Variants in SCN1A observed in about 807,000 individuals in gnomAD.
SCN1A encodes the protein sodium channel protein type 1 subunit alpha.
Under a neutral mutation model 193.7 loss-of-function variants are expected in SCN1A, and 13 were observed. The ratio of observed to expected loss-of-function variants is 0.07; its 90% CI spans 0.04 to 0.11. The LOEUF is 0.11. SCN1A is among the 10% of genes least tolerant of loss of function. The pLI is 1.00. For missense variants in SCN1A, 1,432 were observed against 2,451.1 expected, an observed-to-expected ratio of 0.58 and a Z score of 8.78; for synonymous variants, 781 against 843.6, an observed-to-expected ratio of 0.93 and a Z score of 1.29.
chr2:166,133,609 A>G (rs1434454262), intron 1 of SCN1A, among the ~76,000 whole-genome samples: 2 of 152,150 alleles, frequency 1.3e-5, no homozygotes, highest in Middle Eastern at 3.2e-3. Context: ...AGTGCTCTGT[A>G]TATATCTTTA....
chr2:166,066,838 G>A lies in SCN1A; in HGVS notation c.264+6520C>T, dbSNP rs1160840035. On this transcript the variant is annotated intron_variant, in intron 4 of 28. Transcript: ENST00000674923. ...ATGTAAAGTGGACCATGTTACTGCTGTACCTAAATACTTGTTGGGAATTCA... is the reference window on the plus strand; with the variant it reads ...ATGTAAAGTGGACCATGTTACTGCTATACCTAAATACTTGTTGGGAATTCA... Among the ~76,000 whole-genome samples, 3 of 152,132 alleles carry A rather than the reference G, an allele frequency of 2.0e-5. No homozygotes were observed. The South Asian group carries it at 6.2e-4, about 32-fold the overall frequency.
At chr2:166,086,846 C>T (rs1195843757) in intron 2 of SCN1A, among the ~76,000 whole-genome samples, 1 of 152,018 alleles carries the variant, frequency 6.6e-6, no homozygotes, top group Non-Finnish European at 1.5e-5. Flanking sequence ...TATACAGTTT[C>T]GTCTTGTTTG....
At chr2:166,035,053 T>A (rs1227231249) in intron 19 of SCN1A, among the ~76,000 whole-genome samples, 1 of 152,144 alleles carries the variant, frequency 6.6e-6, no homozygotes, top group African/African-American at 2.4e-5. Flanking sequence ...CATAGGGCAG[T>A]GTAATTTTAG....
intron 1 of SCN1A, among the ~76,000 whole-genome samples, chr2:166,142,952 A>T (rs1692152416): frequency 6.6e-6 from 1 of 152,186 alleles, no homozygotes; most frequent in African/African-American, 2.4e-5. Context: ...GTCTTCTGCC[A>T]TGATTATGAG....
chr2:166,054,055 A>G (rs887492049), intron 7 of SCN1A, among the ~76,000 whole-genome samples: 10 of 152,144 alleles, frequency 6.6e-5, no homozygotes, highest in Admixed American at 2.0e-4. Context: ...AGAAACAGAA[A>G]GAGGCAGAGA....
At chr2:166,009,528 A>G (rs1040337756) in intron 23 of SCN1A, 191 bp downstream of exon 23, 2 of 410,608 alleles carry the variant, frequency 4.9e-6, no homozygotes, top group Admixed American at 3.8e-5. Context: ...AAATGATATT[A>G]TATCATTTCA....
intron 1 of SCN1A, among the ~76,000 whole-genome samples, chr2:166,144,339 G>A (rs2155873): frequency 0.81 from 122,434 of 151,692 alleles, 50,008 homozygotes; most frequent in African/African-American, 0.94. Context: ...TCATCAGTGT[G>A]GTACCTCTGG....
In SCN1A at chr2:166,084,481, G is replaced by A. The variant is rs1453837611; in HGVS notation, c.-141-6680C>T. On this transcript the variant is annotated intron_variant, in intron 2 of 28. Transcript: ENST00000674923. The stretch of plus-strand genomic sequence containing the variant: ...AAAGCCAGGAGTTATGTAGCTATAA[G>A]TAGCAGCCAGAGGAAATAGTGCCTG... Among the ~76,000 whole-genome samples the A allele has an allele frequency of 3.3e-5, 5 of 152,086 alleles. No homozygotes were observed. In the East Asian group the frequency reaches 9.6e-4, roughly 29 times the overall value.
chr2:166,073,422 T>C lies in SCN1A; in HGVS notation c.200A>G (p.Asp67Gly). The change falls in exon 4 of 29, where the codon GAC becomes GGC. Residue 67 changes from aspartate to glycine, a missense_variant. By Grantham distance (94) the Asp-to-Gly change is moderately conservative (BLOSUM62 -1). Around this residue, in one of 18 missense-constraint regions of SCN1A, gnomAD observed 123 missense variants for 282.8 expected, o/e 0.43. Coordinates refer to ENST00000674923, the MANE Select transcript of SCN1A (RefSeq NM_001165963.4). ...CTCTGACACCATCTCTGGAGGAATG[T>C]CTCCATAAATAAATGGAAGGTTCTT... is the stretch of plus-strand genomic sequence containing the variant. ...AGKNLPFIYG[D>G]IPPEMVSEPL... 6.2e-7 allele frequency: 1 copy of C among 1,614,176 alleles called. No homozygotes were observed. Among genetic ancestry groups the C allele is most frequent in the Non-Finnish European group, 8.5e-7 (1 of 1,180,010 alleles).
intron 2 of SCN1A, among the ~76,000 whole-genome samples, chr2:166,121,423 C>T (rs1690585462): frequency 6.6e-6 from 1 of 152,096 alleles, no homozygotes; most frequent in Admixed American, 6.5e-5. Context: ...AATTTTATAT[C>T]CTTTTCTGTC....
In SCN1A at chr2:166,065,846, G is replaced by T. The variant is rs538702071; in HGVS notation, c.265-7158C>A. Reference sequence around the variant, plus strand: ...TGATGCCTGAACTCATATTTCAAGAGGAATCCTTAGATGTATAATTTTATG... The same window carrying T: ...TGATGCCTGAACTCATATTTCAAGATGAATCCTTAGATGTATAATTTTATG... On this transcript the variant is annotated intron_variant, in intron 4 of 28. Coordinates refer to ENST00000674923, the MANE Select transcript of SCN1A (RefSeq NM_001165963.4). Among the ~76,000 whole-genome samples the T allele has an allele frequency of 1.1e-4, 16 of 152,108 alleles. No homozygotes were observed. In the East Asian group the frequency reaches 1.3e-3, roughly 13 times the overall value.
intron 2 of SCN1A, among the ~76,000 whole-genome samples, chr2:166,085,281 A>G (rs1470087320): frequency 6.6e-6 from 1 of 152,156 alleles, no homozygotes; most frequent in African/African-American, 2.4e-5. Flanking sequence ...TAGTTATTTA[A>G]TTTATGTTTT....
chr2:166,033,337 T>G lies in SCN1A; in HGVS notation c.3429+2711A>C, dbSNP rs150049114. Among the ~76,000 whole-genome samples the G allele has an allele frequency of 1.8e-3, 267 of 152,166 alleles. 1 individual carries two copies. The highest frequency in any genetic ancestry group is 6.3e-3 in the African/African-American group (262 of 41,522). ...GCATTCTAATTAGACAAACAAAACATTAAAGTTCAGCACAGGTGGCAAAAG... is the reference window on the plus strand; with the variant it reads ...GCATTCTAATTAGACAAACAAAACAGTAAAGTTCAGCACAGGTGGCAAAAG... On this transcript the variant is annotated intron_variant, in intron 19 of 28. Coordinates refer to ENST00000674923, the MANE Select transcript of SCN1A (RefSeq NM_001165963.4).
chr2:166,012,004 T>C (rs1692527210), intron 22 of SCN1A, 105 bp downstream of exon 22: 2 of 992,174 alleles, frequency 2.0e-6, no homozygotes, highest in Non-Finnish European at 3.2e-6. Flanking sequence ...GTGGTTATTA[T>C]AGTCTGTCAA....
intron 15 of SCN1A, 24 bp from the exon 16 acceptor site, chr2:166,041,493 A>G (rs1325814125): frequency 7.1e-7 from 1 of 1,401,802 alleles, no homozygotes; most frequent in Non-Finnish European, 1.0e-6. Context: ...AAAAAAAAAA[A>G]GAACCACCAA....
At chr2:166,094,942 C>T (rs1034794857) in intron 2 of SCN1A, among the ~76,000 whole-genome samples, 2 of 152,162 alleles carry the variant, frequency 1.3e-5, no homozygotes, top group African/African-American at 4.8e-5. Context: ...ATTGCAGTTA[C>T]ACTTCTGAAT....
At chr2:166,119,993 C>T (rs1690351499) in intron 2 of SCN1A, among the ~76,000 whole-genome samples, 1 of 151,546 alleles carries the variant, frequency 6.6e-6, no homozygotes, top group South Asian at 2.1e-4. Context: ...GAAACAATAC[C>T]AAAGCATTTG....
chr2:166,125,375 G>A (rs1691120437), intron 2 of SCN1A, among the ~76,000 whole-genome samples: 1 of 152,160 alleles, frequency 6.6e-6, no homozygotes, highest in Non-Finnish European at 1.5e-5. Flanking sequence ...AACTGCCCAG[G>A]GAGAAAGCAA....
rs927595792 is a variant in SCN1A, at chr2:165,992,516, T to A, written c.4853-94A>T. Reference sequence around the variant, plus strand: ...TAAAGCTCCAAGGTAAGGTTCAGAGTCCTGAACCCAGTTATATTAAATATG... The same window carrying A: ...TAAAGCTCCAAGGTAAGGTTCAGAGACCTGAACCCAGTTATATTAAATATG... On this transcript the variant is annotated intron_variant, in intron 28 of 28. Coordinates refer to ENST00000674923, the MANE Select transcript of SCN1A (RefSeq NM_001165963.4). This position sits in a 1 kb window ranked among gnomAD's most constrained non-coding sequence, Gnocchi z 6.5. The A allele has an allele frequency of 1.4e-5, 18 of 1,260,894 alleles. No homozygotes were observed. The highest frequency in any genetic ancestry group is 8.9e-5 in the African/African-American group (6 of 67,676). 78.1% of individuals were successfully genotyped at this position (1,260,894 alleles called of 1,614,324 possible). A position where few individuals can be genotyped will look rare whatever the true frequency, so the allele number is the denominator to read the frequency against.
Sources: gnomAD v4.1 joint callset for allele counts (sites outside exome capture counted in the v4.1 genomes callset) on GRCh38, gnomAD v4.1.1 for gene constraint, gnomAD v4.1.1 regional missense constraint, Gnocchi (gnomAD v3.1) non-coding constraint, MANE v1.5 for transcripts, NCBI Gene and HGNC (gene_info 2026-07-23, HGNC 2026-07-21) for gene names.